Variants in KCNIP4 observed in about 807,000 individuals in gnomAD.
The protein encoded by KCNIP4 is Kv channel-interacting protein 4.
In KCNIP4, 12 loss-of-function variants were observed where a neutral mutation model predicts 34.0. That is an observed-to-expected ratio of 0.35 (90% confidence interval 0.23 to 0.57). The LOEUF (loss-of-function observed/expected upper bound fraction) is 0.57, where lower values mean the gene tolerates loss of function less well. KCNIP4 is among the 20% of genes least tolerant of loss of function. The pLI, the probability that KCNIP4 is intolerant of heterozygous loss-of-function variation, is 0.83. For synonymous variants in KCNIP4, 124 were observed against 102.2 expected, an observed-to-expected ratio of 1.21 and a Z score of -1.29; for missense variants, 238 against 311.7, an observed-to-expected ratio of 0.76 and a Z score of 1.78.
chr4:21,435,913 C>A (rs1018475440), intron 1 of KCNIP4, among the ~76,000 whole-genome samples: 11 of 152,092 alleles, frequency 7.2e-5, no homozygotes, highest in African/African-American at 2.7e-4. Context: ...GTGGTTTCTG[C>A]AAATGAGCGT....
At chr4:20,746,283 A>T (rs941838344) in intron 5 of KCNIP4, among the ~76,000 whole-genome samples, 2 of 152,124 alleles carry the variant, frequency 1.3e-5, no homozygotes, top group African/African-American at 4.8e-5. Context: ...CAGTAAACCA[A>T]ACATTGCATG....
intron 1 of KCNIP4, among the ~76,000 whole-genome samples, chr4:21,317,543 C>T (rs977196291): frequency 6.6e-6 from 1 of 152,112 alleles, no homozygotes; most frequent in African/African-American, 2.4e-5. Flanking sequence ...TCCTATTATA[C>T]ATATAAGGTG....
At chr4:21,768,309 G>GCT (rs765209270) in intron 1 of KCNIP4, among the ~76,000 whole-genome samples, 2 of 151,952 alleles carry the variant, frequency 1.3e-5, no homozygotes, top group Non-Finnish European at 2.9e-5. Flanking sequence ...TATAGATTCT[G>GCT]CTCTCTCTCT....
intron 3 of KCNIP4, among the ~76,000 whole-genome samples, chr4:20,759,802 C>T (rs1385751740): frequency 6.6e-6 from 1 of 152,034 alleles, no homozygotes; most frequent in Non-Finnish European, 1.5e-5. Context: ...CGTAGAGGCC[C>T]CTTGAGTGGT....
chr4:21,490,559 GA>G (rs1399592391), intron 1 of KCNIP4, among the ~76,000 whole-genome samples: 22 of 152,062 alleles, frequency 1.4e-4, no homozygotes, highest in African/African-American at 5.3e-4. Flanking sequence ...GGAATCATTA[GA>G]AATATGAACT....
chr4:21,762,603 T>C (rs146529593), intron 1 of KCNIP4, among the ~76,000 whole-genome samples: 2 of 152,208 alleles, frequency 1.3e-5, no homozygotes, highest in African/African-American at 4.8e-5. Flanking sequence ...AAGCCAAGGG[T>C]ACTGTTCCTC....
At chr4:20,877,253 C>T (rs1577299954) in intron 2 of KCNIP4, among the ~76,000 whole-genome samples, 2 of 152,160 alleles carry the variant, frequency 1.3e-5, no homozygotes, top group African/African-American at 4.8e-5. Context: ...ATGGCTTTTT[C>T]CACCTTCTAG....
chr4:21,413,817 T>C (rs1354690806), intron 1 of KCNIP4, among the ~76,000 whole-genome samples: 2 of 152,242 alleles, frequency 1.3e-5, no homozygotes, highest in Non-Finnish European at 1.5e-5. Context: ...GTTTACGTAG[T>C]GTCTGAACTG....
At chr4:21,459,972 C>G (rs1011109847) in intron 1 of KCNIP4, among the ~76,000 whole-genome samples, 3 of 151,882 alleles carry the variant, frequency 2.0e-5, no homozygotes, top group Non-Finnish European at 4.4e-5. Flanking sequence ...TACACAAGGG[C>G]CACAGTGATC....
chr4:21,817,828 G>A (rs539846611), intron 1 of KCNIP4, among the ~76,000 whole-genome samples: 1 of 152,232 alleles, frequency 6.6e-6, no homozygotes, highest in South Asian at 2.1e-4. Flanking sequence ...TGTTTAAGAT[G>A]TTTATCAAGA....
At chr4:21,346,121 A>T (rs1309759116) in intron 1 of KCNIP4, among the ~76,000 whole-genome samples, 1 of 116,730 alleles carries the variant, frequency 8.6e-6, no homozygotes, top group African/African-American at 3.2e-5. Flanking sequence ...AAATATATAT[A>T]TTTTACACTG....
chr4:21,505,820 A>G (rs2109904987), intron 1 of KCNIP4, among the ~76,000 whole-genome samples: 1 of 152,226 alleles, frequency 6.6e-6, no homozygotes, highest in East Asian at 1.9e-4. Flanking sequence ...TAAAATAACT[A>G]GGCCAGATGT....
chr4:21,938,773 G>A lies in KCNIP4; in HGVS notation c.61+9798C>T, dbSNP rs1302774657. Among the ~76,000 whole-genome samples the A allele has an allele frequency of 2.0e-5, 3 of 152,130 alleles. No individual in the cohort carries two copies. The East Asian group carries it at 5.8e-4, about 29-fold the overall frequency. On this transcript the variant is annotated intron_variant, in intron 1 of 8. Coordinates refer to ENST00000382152, the MANE Select transcript of KCNIP4 (RefSeq NM_025221.6). Reference sequence around the variant, plus strand: ...AAGATGAAATAAACTAACATACGCTGTGTAATTAATACACAATTTGGGTCA... The same window carrying A: ...AAGATGAAATAAACTAACATACGCTATGTAATTAATACACAATTTGGGTCA...
intron 1 of KCNIP4, among the ~76,000 whole-genome samples, chr4:21,296,456 A>C (rs917569804): frequency 6.6e-6 from 1 of 151,454 alleles, no homozygotes; most frequent in Non-Finnish European, 1.5e-5. Context: ...TAATGGCAAA[A>C]GACAAATAAC....
chr4:21,725,330 G>C (rs1335744813), intron 1 of KCNIP4, among the ~76,000 whole-genome samples: 1 of 152,156 alleles, frequency 6.6e-6, no homozygotes, highest in Non-Finnish European at 1.5e-5. Flanking sequence ...TGGTGTGTTA[G>C]AGTCAGGCTG....
intron 1 of KCNIP4, among the ~76,000 whole-genome samples, chr4:21,271,717 C>T (rs1485514): frequency 0.26 from 39,009 of 151,950 alleles, 5,192 homozygotes; most frequent in South Asian, 0.35. Context: ...AAATAAAATC[C>T]TTCCGTAAAT....
intron 1 of KCNIP4, among the ~76,000 whole-genome samples, chr4:21,264,759 G>A (rs552511842): frequency 2.0e-5 from 3 of 152,242 alleles, no homozygotes; most frequent in Admixed American, 2.0e-4. Context: ...AGCCTGGCGA[G>A]AAGGTGCAAA....
chr4:21,133,284 CAT>C (rs976294546), intron 1 of KCNIP4, among the ~76,000 whole-genome samples: 1 of 152,166 alleles, frequency 6.6e-6, no homozygotes, highest in Non-Finnish European at 1.5e-5. Flanking sequence ...CTGGGTTTAA[CAT>C]GTGTAATTAT....
At chr4:21,246,252 T>A (rs1045228516) in intron 1 of KCNIP4, among the ~76,000 whole-genome samples, 3 of 152,178 alleles carry the variant, frequency 2.0e-5, no homozygotes, top group African/African-American at 7.2e-5. Context: ...CCTGGCTTGC[T>A]GGAAGTTCTC....
Sources: gnomAD v4.1 joint callset for allele counts (sites outside exome capture counted in the v4.1 genomes callset) on GRCh38, gnomAD v4.1.1 for gene constraint, MANE v1.5 for transcripts, NCBI Gene and HGNC (gene_info 2026-07-23, HGNC 2026-07-21) for gene names.